Variants in OLFML2B observed in about 807,000 individuals in gnomAD.
The protein encoded by OLFML2B is olfactomedin like 2B, also known as olfactomedin-like protein 2B.
OLFML2B carries 57 observed loss-of-function variants against 74.9 expected under a neutral mutation model. That is an observed-to-expected ratio of 0.76 (90% confidence interval 0.61 to 0.95). The LOEUF (loss-of-function observed/expected upper bound fraction) is 0.95, where lower values mean the gene tolerates loss of function less well. OLFML2B is among the 40% of genes least tolerant of loss of function. The probability of loss-of-function intolerance (pLI) is 0.00; values close to 1 mark genes in which losing one functional copy is unlikely to be tolerated. For missense variants in OLFML2B, 986 were observed against 970.6 expected, an observed-to-expected ratio of 1.02 and a Z score of -0.21; for synonymous variants, 388 against 405.8, an observed-to-expected ratio of 0.96 and a Z score of 0.53.
Position 162,015,118 on chromosome 1 carries a change from T to C in OLFML2B, c.546+2282A>G, listed in dbSNP as rs368080233. 3.5e-4 allele frequency among the ~76,000 whole-genome samples: 54 copies of C among 152,344 alleles called. No individual in the cohort carries two copies. The South Asian group carries it at 0.01, about 29-fold the overall frequency. ...ATGCTTTACAAAACGTAATATGCTATACAAATGTAAGGGATTATTATTATT... is the reference window on the plus strand; with the variant it reads ...ATGCTTTACAAAACGTAATATGCTACACAAATGTAAGGGATTATTATTATT... On this transcript the variant is annotated intron_variant, in intron 3 of 7. Coordinates refer to ENST00000294794, the MANE Select transcript of OLFML2B (RefSeq NM_015441.3).
chr1:162,002,976 C>T lies in OLFML2B; in HGVS notation c.724-2638G>A, dbSNP rs547599384. The stretch of plus-strand genomic sequence containing the variant: ...GGGAAGGTAGATACCATTATCCACA[C>T]GTCACAGATGAGGAAACAGAGGCTC... On this transcript the variant is annotated intron_variant, in intron 4 of 7. Transcript: ENST00000294794. Among the ~76,000 whole-genome samples, 25 of 152,356 alleles carry T rather than the reference C, an allele frequency of 1.6e-4. No individual in the cohort carries two copies. In the East Asian group the frequency reaches 3.3e-3, roughly 20 times the overall value.
At chr1:162,011,908 A>C (rs1023299758) in intron 3 of OLFML2B, among the ~76,000 whole-genome samples, 20 of 152,324 alleles carry the variant, frequency 1.3e-4, no homozygotes, top group African/African-American at 4.8e-4. Flanking sequence ...TGACACTCGC[A>C]CTGTAAGTCT....
chr1:161,984,863 G>T lies in OLFML2B; in HGVS notation c.1592C>A (p.Thr531Asn). Reference protein sequence around the residue: ...PLAKDERIYVTNYYYGNTLVE... With the variant: ...PLAKDERIYVNNYYYGNTLVE... Reference sequence around the variant, plus strand: ...CAGGGTGTTGCCGTAGTAATAGTTGGTTACGTAAATCCGCTCATCCTTGGC... The same window carrying T: ...CAGGGTGTTGCCGTAGTAATAGTTGTTTACGTAAATCCGCTCATCCTTGGC... The change falls in exon 7 of 8, where the codon ACC becomes AAC. Residue 531 changes from threonine to asparagine, a missense_variant. Thr to Asn is a moderately conservative substitution (Grantham distance 65, BLOSUM62 0). Transcript: ENST00000294794. 6.2e-7 allele frequency: 1 copy of T among 1,612,718 alleles called. No homozygotes were observed. The highest frequency in any genetic ancestry group is 8.5e-7 in the Non-Finnish European group (1 of 1,179,840).
At position 161,983,942 on chromosome 1, in the gene OLFML2B, G is replaced by A; in HGVS notation, c.1986C>T (p.Thr662=). 3 of 1,614,228 alleles carry A rather than the reference G, an allele frequency of 1.9e-6. No individual in the cohort carries two copies. The highest frequency in any genetic ancestry group is 2.5e-6 in the Non-Finnish European group (3 of 1,180,046). ...TCCTCCGGAGCCCCGTGCGCCATGT[G>A]GTCTCCTTCTGTGTGCTCAGGTCCG... is the stretch of plus-strand genomic sequence containing the variant. ...NAADLSTQKE[T]TWRTGLRRNF... The change falls in exon 8 of 8, where the codon ACC becomes ACT. Residue 662 remains threonine, a synonymous_variant. Transcript: ENST00000294794.
chr1:162,020,676 G>A (rs1157333403), intron 1 of OLFML2B, among the ~76,000 whole-genome samples: 1 of 152,050 alleles, frequency 6.6e-6, no homozygotes, highest in Admixed American at 6.6e-5. Flanking sequence ...ATAGGCACAT[G>A]CTACCATGCC....
intron 4 of OLFML2B, among the ~76,000 whole-genome samples, chr1:162,003,638 C>T (rs1018401913): frequency 3.9e-5 from 6 of 152,150 alleles, no homozygotes; most frequent in Non-Finnish European, 8.8e-5. Context: ...CTACTTCCAC[C>T]TTGCTCTCTC....
chr1:161,995,805 T>C (rs1689880340), intron 6 of OLFML2B, among the ~76,000 whole-genome samples: 1 of 152,118 alleles, frequency 6.6e-6, no homozygotes, highest in Non-Finnish European at 1.5e-5. Flanking sequence ...TCCTAAATAT[T>C]TGGAGGGATG....
At chr1:162,022,555 T>C (rs1308589931) in intron 1 of OLFML2B, among the ~76,000 whole-genome samples, 1 of 152,202 alleles carries the variant, frequency 6.6e-6, no homozygotes, top group African/African-American at 2.4e-5. Flanking sequence ...GGCCTACCCA[T>C]GTATCTCTTA....
At chr1:161,985,497 G>A (rs141965328) in intron 6 of OLFML2B, among the ~76,000 whole-genome samples, 1,814 of 152,320 alleles carry the variant, frequency 0.012, 41 homozygotes, top group African/African-American at 0.041. Context: ...CTCAGAACAC[G>A]GTGTCTGGCT....
intron 6 of OLFML2B, among the ~76,000 whole-genome samples, chr1:161,996,330 G>A (rs73021247): frequency 0.055 from 8,435 of 152,194 alleles, 407 homozygotes; most frequent in African/African-American, 0.12. Context: ...AACTTCCTGC[G>A]GAAAACCATA....
At chr1:162,019,526 C>T (rs1289776357) in intron 2 of OLFML2B, among the ~76,000 whole-genome samples, 3 of 152,188 alleles carry the variant, frequency 2.0e-5, no homozygotes. Context: ...CTTCCCTAGG[C>T]CAACCCAGCC....
intron 4 of OLFML2B, 41 bp from the exon 5 acceptor site, chr1:162,000,379 G>A (rs1366396653): frequency 6.4e-6 from 10 of 1,565,860 alleles, no homozygotes; most frequent in East Asian, 4.5e-5. Flanking sequence ...CAGGTCACTG[G>A]TCAGAGAGGC....
In OLFML2B at chr1:161,997,846, C is replaced by A. The variant is rs1689956154; in HGVS notation, c.1453G>T (p.Asp485Tyr). 6.2e-7 allele frequency: 1 copy of A among 1,613,160 alleles called. No individual in the cohort carries two copies. Among genetic ancestry groups the A allele is most frequent in the African/African-American group, 1.3e-5 (1 of 74,926 alleles). Residue 485 changes from aspartate to tyrosine, a missense_variant, in exon 6 of 8, where the codon GAT (aspartate) becomes TAT (tyrosine). Asp to Tyr is a radical substitution (Grantham distance 160). Transcript: ENST00000294794. The stretch of plus-strand genomic sequence containing the variant: ...TTACCTATGACATTCCGGATGTCAT[C>A]TTCTTCTTCGGGGCTCAGCGTGGGG... ...ASPTLSPEEE[D>Y]DIRNVIGRCK...
At chr1:161,997,415 A>G (rs1418058396) in intron 6 of OLFML2B, among the ~76,000 whole-genome samples, 1 of 152,094 alleles carries the variant, frequency 6.6e-6, no homozygotes, top group African/African-American at 2.4e-5. Context: ...CTCTACTACA[A>G]ATCTGAGACT....
Position 162,023,510 on chromosome 1 carries a change from G to A in OLFML2B, c.-80C>T. On this transcript the variant is annotated 5_prime_UTR_variant, in exon 1 of 8. Coordinates refer to ENST00000294794, the MANE Select transcript of OLFML2B (RefSeq NM_015441.3). ...GTCTCGGCAAGGACTTCTGCGAGAG[G>A]GTGTCCTCGCTAGAGCCCGAAAGTG... The A allele has an allele frequency of 1.5e-6, 2 of 1,352,762 alleles. No individual in the cohort carries two copies. The highest frequency in any genetic ancestry group is 2.0e-4 in the Middle Eastern group (1 of 4,906). The allele number at this position is 1,352,762 out of a possible 1,614,324, so 83.8% of individuals were successfully genotyped here.
rs140501219 is a variant in OLFML2B at position 161,995,357 on chromosome 1, G to A, written c.1474+2468C>T. Reference sequence around the variant, plus strand: ...CCCCAGCTCCTCTGAAAAATGCCACGGGCTAGTCTTTAAGCAAACCTTACA... The same window carrying A: ...CCCCAGCTCCTCTGAAAAATGCCACAGGCTAGTCTTTAAGCAAACCTTACA... On this transcript the variant is annotated intron_variant, in intron 6 of 7. Transcript: ENST00000294794. Among the ~76,000 whole-genome samples the A allele has an allele frequency of 3.9e-5, 6 of 152,242 alleles. No homozygotes were observed. The East Asian group carries it at 9.6e-4, about 24-fold the overall frequency.
At chr1:162,011,740 C>T (rs1485367979) in intron 3 of OLFML2B, among the ~76,000 whole-genome samples, 1 of 152,228 alleles carries the variant, frequency 6.6e-6, no homozygotes, top group Non-Finnish European at 1.5e-5. Flanking sequence ...CAGGGCCTGG[C>T]AGGAAAGTCA....
rs142954241 is a variant in OLFML2B, at chr1:161,997,913, C to T, written c.1386G>A (p.Leu462=). 5 of 1,614,108 alleles carry T rather than the reference C, an allele frequency of 3.1e-6. No homozygotes were observed. The African/African-American group carries it at 5.3e-5, about 17-fold the overall frequency. ...CCCACCCAGCAGGAGCATCTTTCCC[C>T]AGCGAGTCTGTTCTGACTGTGGTGG... ...VPPTTVRTDS[L]GKDAPAGWGT... is the part of the protein sequence containing the mutation. The change falls in exon 6 of 8, where the codon CTG becomes CTA. Residue 462 remains leucine, a synonymous_variant. Coordinates refer to ENST00000294794, the MANE Select transcript of OLFML2B (RefSeq NM_015441.3).
chr1:161,990,268 G>C (rs984452210), intron 6 of OLFML2B, among the ~76,000 whole-genome samples: 2 of 152,200 alleles, frequency 1.3e-5, no homozygotes, highest in Non-Finnish European at 2.9e-5. Context: ...AAAGTTGAAA[G>C]ATCTTATATT....
Sources: gnomAD v4.1 joint callset for allele counts (sites outside exome capture counted in the v4.1 genomes callset) on GRCh38, gnomAD v4.1.1 for gene constraint, MANE v1.5 for transcripts, NCBI Gene and HGNC (gene_info 2026-07-23, HGNC 2026-07-21) for gene names.